The following REPS1 variants were observed in gnomAD, a reference collection of about 807,000 sequenced individuals.
The protein encoded by REPS1 is ralBP1-associated Eps domain-containing protein 1.
In REPS1, 39 loss-of-function variants were observed where a neutral mutation model predicts 100.9. The ratio of observed to expected loss-of-function variants is 0.39; its 90% CI spans 0.30 to 0.50. The LOEUF is 0.50. Ranked by LOEUF, REPS1 falls within the 20% of genes least tolerant of loss-of-function variation. REPS1 has a pLI of 0.86. For missense variants in REPS1, 821 were observed against 968.5 expected (o/e 0.85, Z 2.02); for synonymous variants, 324 against 340.3 (o/e 0.95, Z 0.53).
At position 138,912,943 on chromosome 6, in the gene REPS1, C is replaced by A. The variant is rs981918996; in HGVS notation, c.1793G>T (p.Gly598Val). Reference sequence around the variant, plus strand: ...ATCCACTGGGCGATGCACAGCAGGACCAGGAGCCTGTGCAATGGTTCAGAA... The same window carrying A: ...ATCCACTGGGCGATGCACAGCAGGAACAGGAGCCTGTGCAATGGTTCAGAA... ...PPRPQPSQAPGPAVHRPVDAD... is the reference protein window; with the variant it reads ...PPRPQPSQAPVPAVHRPVDAD... Residue 598 changes from glycine to valine, a missense_variant, in exon 16 of 20, where the codon GGT (glycine) becomes GTT (valine). Gly to Val is a moderately radical substitution (Grantham distance 109, BLOSUM62 -3). This residue lies in a region of REPS1 where 757 missense variants were observed against 866.4 expected (regional missense o/e 0.87). Coordinates refer to ENST00000450536, the MANE Select transcript of REPS1 (RefSeq NM_001286611.2). 1.2e-6 allele frequency: 2 copies of A among 1,612,622 alleles called. No individual in the cohort carries two copies. Among genetic ancestry groups the A allele is most frequent in the African/African-American group, 2.7e-5 (2 of 74,824 alleles).
chr6:138,961,159 G>A (rs1783714491), intron 1 of REPS1, among the ~76,000 whole-genome samples: 1 of 152,106 alleles, frequency 6.6e-6, no homozygotes, highest in South Asian at 2.1e-4. Context: ...GAACCAAAGT[G>A]TTTTATTCAC....
intron 10 of REPS1, among the ~76,000 whole-genome samples, chr6:138,925,974 T>G (rs1313448201): frequency 6.6e-6 from 1 of 152,146 alleles, no homozygotes; most frequent in African/African-American, 2.4e-5. Flanking sequence ...ATAAAAGCCA[T>G]GTCATTTGGC....
intron 8 of REPS1, among the ~76,000 whole-genome samples, chr6:138,933,934 GACA>G (rs548260229): frequency 9.5e-4 from 145 of 152,084 alleles, no homozygotes; most frequent in Non-Finnish European, 1.5e-3. Flanking sequence ...AAACGACGAC[GACA>G]ACAACAACAA....
chr6:138,939,677 T>C (rs1782099946), intron 8 of REPS1, among the ~76,000 whole-genome samples: 1 of 152,202 alleles, frequency 6.6e-6, no homozygotes, highest in Admixed American at 6.5e-5. Context: ...CCAAGTCCAA[T>C]TTCTAAATCA....
At chr6:138,947,035 GCTCTCTCTCTCT>G (rs10581264) in intron 2 of REPS1, among the ~76,000 whole-genome samples, 1,817 of 137,688 alleles carry the variant, frequency 0.013, 32 homozygotes, top group African/African-American at 0.041. Flanking sequence ...ATTCCCCCTT[GCTCTCTCTCTCT>G]CTCTCTCTCT....
At chr6:138,987,369 C>A (rs1044224544) in intron 1 of REPS1, among the ~76,000 whole-genome samples, 161 bp downstream of exon 1, 2 of 152,144 alleles carry the variant, frequency 1.3e-5, no homozygotes, top group African/African-American at 4.8e-5. Context: ...GGCCGCGGCG[C>A]GAGTCCAGGC....
At chr6:138,956,975 T>C (rs1472674152) in intron 1 of REPS1, among the ~76,000 whole-genome samples, 3 of 150,758 alleles carry the variant, frequency 2.0e-5, no homozygotes, top group Non-Finnish European at 4.4e-5. Flanking sequence ...ATAGAAACAC[T>C]AGAAGATAAA....
At position 138,944,430 on chromosome 6, in the gene REPS1, A is replaced by T. The variant is rs972610719; in HGVS notation, c.753+68T>A. 19 of 1,523,678 alleles carry T rather than the reference A, an allele frequency of 1.2e-5. No homozygotes were observed. The African/African-American group carries it at 2.5e-4, about 20-fold the overall frequency. 94.4% of individuals were successfully genotyped at this position (1,523,678 alleles called of 1,614,324 possible). On this transcript the variant is annotated intron_variant, in intron 5 of 19. Transcript: ENST00000450536. ...TATAAAATCTGCAACAGCAAAATATAAAAACAACGACTGGAGCAATACTCT... is the reference window on the plus strand; with the variant it reads ...TATAAAATCTGCAACAGCAAAATATTAAAACAACGACTGGAGCAATACTCT...
intron 1 of REPS1, among the ~76,000 whole-genome samples, chr6:138,957,936 A>C (rs1211671214): frequency 6.6e-6 from 1 of 152,234 alleles, no homozygotes; most frequent in Non-Finnish European, 1.5e-5. Flanking sequence ...AACAATATAA[A>C]TGTTATTAAT....
chr6:138,959,229 A>G (rs966886738), intron 1 of REPS1, among the ~76,000 whole-genome samples: 8 of 152,276 alleles, frequency 5.3e-5, no homozygotes, highest in African/African-American at 1.7e-4. Flanking sequence ...CTCTGTTCCT[A>G]TGCCCAGAAT....
chr6:138,931,760 T>C (rs536720762), intron 8 of REPS1, among the ~76,000 whole-genome samples: 11 of 149,096 alleles, frequency 7.4e-5, no homozygotes, highest in African/African-American at 2.6e-4. Flanking sequence ...TTGGATAGTT[T>C]TCATTGGGAA....
chr6:138,930,656 T>C (rs1781432137), intron 8 of REPS1, among the ~76,000 whole-genome samples: 1 of 152,144 alleles, frequency 6.6e-6, no homozygotes, highest in Non-Finnish European at 1.5e-5. Flanking sequence ...TCCCTTGGAA[T>C]ATACTTTGGG....
At chr6:138,934,798 T>A (rs17068130) in intron 8 of REPS1, among the ~76,000 whole-genome samples, 13,403 of 146,174 alleles carry the variant, frequency 0.092, 1,231 homozygotes, top group African/African-American at 0.23. Context: ...TCAATAACGA[T>A]GGTTCAATGT....
chr6:138,986,354 T>C (rs1048183254), intron 1 of REPS1, among the ~76,000 whole-genome samples: 5 of 152,252 alleles, frequency 3.3e-5, no homozygotes, highest in African/African-American at 1.2e-4. Context: ...AACTTAGTCA[T>C]AGTTAATGCA....
intron 9 of REPS1, 21 bp from the exon 10 acceptor site, chr6:138,926,502 C>A (rs530979480): frequency 6.4e-7 from 1 of 1,554,206 alleles, no homozygotes; most frequent in Non-Finnish European, 8.9e-7. Context: ...AGAGGAGAGA[C>A]AAGTCAGCAT....
At chr6:138,913,782 G>A (rs1780175378) in intron 15 of REPS1, among the ~76,000 whole-genome samples, 1 of 152,196 alleles carries the variant, frequency 6.6e-6, no homozygotes, top group African/African-American at 2.4e-5. Flanking sequence ...CCTGAGGAAT[G>A]TGCCAGGCTT....
chr6:138,944,675 T>A lies in REPS1; in HGVS notation c.629-53A>T, dbSNP rs536580399. 7.1e-5 allele frequency: 110 copies of A among 1,556,974 alleles called. 1 individual carries two copies. In the South Asian group the frequency reaches 8.3e-4, roughly 12 times the overall value. On this transcript the variant is annotated intron_variant, in intron 4 of 19. Transcript: ENST00000450536. ...ACTCATGTTTGAGGAAAAAAGTTAC[T>A]AGGAAGTTTTCTTTCCAACTCTTAC...
At chr6:138,936,963 A>C (rs1485320004) in intron 8 of REPS1, among the ~76,000 whole-genome samples, 2 of 152,286 alleles carry the variant, frequency 1.3e-5, no homozygotes, top group Middle Eastern at 3.4e-3. Context: ...AAGACATACC[A>C]AGACTGGGCA....
chr6:138,914,632 G>T (rs999639363), intron 15 of REPS1, 65 bp downstream of exon 15: 2 of 1,275,076 alleles, frequency 1.6e-6, no homozygotes, highest in Non-Finnish European at 2.3e-6. Flanking sequence ...TTTGAGAATA[G>T]AATTAAATAC....
Sources: allele counts gnomAD v4.1 joint callset (sites outside exome capture counted in the v4.1 genomes callset), GRCh38; gene constraint gnomAD v4.1.1; regional missense constraint gnomAD v4.1.1; transcripts MANE v1.5; gene names NCBI Gene and HGNC (gene_info 2026-07-23, HGNC 2026-07-21).